The following PTPRD variants were observed in gnomAD, a reference collection of about 807,000 sequenced individuals.
The protein encoded by PTPRD is protein tyrosine phosphatase receptor type D, also known as receptor-type tyrosine-protein phosphatase delta.
In PTPRD, 34 loss-of-function variants were observed where a neutral mutation model predicts 214.5. The ratio of observed to expected loss-of-function variants is 0.16; its 90% CI spans 0.12 to 0.21. The LOEUF is 0.21. PTPRD is among the 10% of genes least tolerant of loss of function. The pLI is 1.00. For missense variants in PTPRD, 2,545 were observed against 2,398.7 expected (o/e 1.06, Z -1.27); for synonymous variants, 1,128 against 845.7 (o/e 1.33, Z -5.79).
intron 9 of PTPRD, among the ~76,000 whole-genome samples, chr9:9,247,211 A>T (rs181235701): frequency 6.6e-6 from 1 of 151,932 alleles, no homozygotes; most frequent in Non-Finnish European, 1.5e-5. Flanking sequence ...CCTTCCCTAT[A>T]CCTGGGAAGA....
chr9:9,406,373 A>G (rs1450806293), intron 8 of PTPRD, among the ~76,000 whole-genome samples: 1 of 151,978 alleles, frequency 6.6e-6, no homozygotes, highest in Non-Finnish European at 1.5e-5. Context: ...CATGAAGTAA[A>G]TAAACAGAAA....
intron 16 of PTPRD, among the ~76,000 whole-genome samples, chr9:8,527,141 A>G (rs571252003): frequency 1.3e-5 from 2 of 148,934 alleles, no homozygotes; most frequent in Non-Finnish European, 3.0e-5. Context: ...TTGGTGTGCC[A>G]TAACTTGTGT....
intron 9 of PTPRD, among the ~76,000 whole-genome samples, chr9:9,310,924 A>T (rs184555308): frequency 7.4e-6 from 1 of 135,896 alleles, no homozygotes; most frequent in Non-Finnish European, 1.5e-5. Context: ...GTCTCAGATA[A>T]ATAAATAAAT....
chr9:8,541,970 C>T (rs573896649), intron 14 of PTPRD, among the ~76,000 whole-genome samples: 6 of 151,904 alleles, frequency 3.9e-5, no homozygotes, highest in African/African-American at 1.2e-4. Context: ...TGGCCAAAAC[C>T]ACTACCAAAA....
chr9:9,393,416 T>C (rs1390594765), intron 9 of PTPRD, among the ~76,000 whole-genome samples: 1 of 152,138 alleles, frequency 6.6e-6, no homozygotes, highest in East Asian at 1.9e-4. Context: ...ATGGAAAGGA[T>C]ATATGGACAG....
chr9:8,974,075 G>C (rs1218055717), intron 11 of PTPRD, among the ~76,000 whole-genome samples: 1 of 151,932 alleles, frequency 6.6e-6, no homozygotes, highest in East Asian at 1.9e-4. Flanking sequence ...GCCAACTTTT[G>C]TTTTTGTTGC....
intron 3 of PTPRD, among the ~76,000 whole-genome samples, chr9:10,079,504 C>T (rs546219739): frequency 6.6e-6 from 1 of 152,244 alleles, no homozygotes; most frequent in Admixed American, 6.5e-5. Context: ...TTGTTTTTCA[C>T]ATGGCTCTTT....
intron 27 of PTPRD, among the ~76,000 whole-genome samples, chr9:8,490,245 A>C (rs1356739643): frequency 3.3e-5 from 5 of 152,374 alleles, no homozygotes; most frequent in African/African-American, 1.2e-4. Context: ...AACTTACGTC[A>C]TGACATATAA....
At chr9:10,061,784 T>A (rs745328797) in intron 3 of PTPRD, among the ~76,000 whole-genome samples, 11 of 152,084 alleles carry the variant, frequency 7.2e-5, no homozygotes, top group Non-Finnish European at 1.5e-4. Flanking sequence ...TTTTCACTTA[T>A]GTAAAATGAA....
intron 10 of PTPRD, among the ~76,000 whole-genome samples, chr9:9,055,282 G>C: frequency 6.6e-6 from 1 of 152,098 alleles, no homozygotes; most frequent in East Asian, 1.9e-4. Context: ...GAAAAATACT[G>C]AGAGTGGATA....
At chr9:9,503,005 C>G (rs139425401) in intron 8 of PTPRD, among the ~76,000 whole-genome samples, 1 of 151,740 alleles carries the variant, frequency 6.6e-6, no homozygotes, top group Admixed American at 6.6e-5. Flanking sequence ...GCAGACTACA[C>G]AGGTTAATAT....
intron 9 of PTPRD, among the ~76,000 whole-genome samples, chr9:9,327,170 AG>A (rs2040297444): frequency 6.6e-6 from 1 of 152,178 alleles, no homozygotes; most frequent in African/African-American, 2.4e-5. Context: ...CAGTAATCAC[AG>A]ACTCATTTAT....
At chr9:8,613,417 C>G (rs767490935) in intron 14 of PTPRD, among the ~76,000 whole-genome samples, 4 of 152,076 alleles carry the variant, frequency 2.6e-5, no homozygotes, top group Non-Finnish European at 5.9e-5. Context: ...GCACTTCAAC[C>G]ATATCTAGAA....
chr9:10,139,789 C>A (rs1035124164), intron 3 of PTPRD, among the ~76,000 whole-genome samples: 3 of 151,894 alleles, frequency 2.0e-5, no homozygotes, highest in Admixed American at 6.6e-5. Context: ...AGGAATGGGG[C>A]AAAGATTCCC....
At chr9:9,993,970 A>G (rs1383857763) in intron 4 of PTPRD, among the ~76,000 whole-genome samples, 1 of 152,218 alleles carries the variant, frequency 6.6e-6, no homozygotes, top group Non-Finnish European at 1.5e-5. Context: ...TATGTATAAT[A>G]CGTACTAGAC....
chr9:8,756,195 G>A (rs988949593), intron 11 of PTPRD, among the ~76,000 whole-genome samples: 3 of 152,122 alleles, frequency 2.0e-5, no homozygotes, highest in Non-Finnish European at 2.9e-5. Context: ...TTTCTTATAT[G>A]CCTTGGCCAA....
chr9:9,460,985 T>C (rs765930854), intron 8 of PTPRD, among the ~76,000 whole-genome samples: 2 of 152,048 alleles, frequency 1.3e-5, no homozygotes, highest in African/African-American at 4.8e-5. Flanking sequence ...TGGAATACTA[T>C]GAAGTCATTA....
intron 7 of PTPRD, among the ~76,000 whole-genome samples, chr9:9,651,471 A>G (rs548060365): frequency 3.3e-5 from 5 of 152,208 alleles, no homozygotes; most frequent in Non-Finnish European, 1.5e-5. Flanking sequence ...TTTGGCTCCC[A>G]CTTGCAAGCG....
chr9:9,574,626 T>C (rs2087770369), intron 8 of PTPRD, 106 bp downstream of exon 8: 1 of 151,964 alleles, frequency 6.6e-6, no homozygotes, highest in Admixed American at 6.6e-5. Context: ...TATGGTTAAA[T>C]ATCAAATGAC....
Sources: allele counts gnomAD v4.1 joint callset (sites outside exome capture counted in the v4.1 genomes callset), GRCh38; gene constraint gnomAD v4.1.1; transcripts MANE v1.5; gene names NCBI Gene and HGNC (gene_info 2026-07-23, HGNC 2026-07-21).